POLQ: variants seen among roughly 807,000 people sequenced by gnomAD.
The protein encoded by POLQ is DNA polymerase theta, also known as epididymis secretory sperm binding protein.
In POLQ, 233 loss-of-function variants were observed where a neutral mutation model predicts 259.2. The ratio of observed to expected loss-of-function variants is 0.90; its 90% confidence interval spans 0.81 to 1.00. The LOEUF (loss-of-function observed/expected upper bound fraction) is 1.00, where lower values mean the gene tolerates loss of function less well. POLQ is among the 50% of genes least tolerant of loss of function. The pLI is 0.00. For synonymous variants in POLQ, 1,025 were observed against 1,048.8 expected, an observed-to-expected ratio of 0.98 and a Z score of 0.44; for missense variants, 2,871 against 3,051.6, an observed-to-expected ratio of 0.94 and a Z score of 1.39.
chr3:121,511,791 A>G (rs2048257296), intron 10 of POLQ, 96 bp downstream of exon 10: 1 of 1,031,034 alleles, frequency 9.7e-7, no homozygotes, highest in Non-Finnish European at 1.4e-6. Flanking sequence ...AATAAATTAA[A>G]AAAAATAAAT....
intron 6 of POLQ, among the ~76,000 whole-genome samples, chr3:121,531,732 G>A (rs2048412999): frequency 6.6e-6 from 1 of 152,130 alleles, no homozygotes; most frequent in Admixed American, 6.5e-5. Context: ...AAAGGGTGGA[G>A]GCACAGACAT....
Position 121,432,275 on chromosome 3 carries a change from T to TC in POLQ, c.*28dup. 1 of 1,578,106 alleles carries TC rather than the reference T, an allele frequency of 6.3e-7. No homozygotes were observed. The highest frequency in any genetic ancestry group is 8.6e-7 in the Non-Finnish European group (1 of 1,166,554). ...CCAGGTGACTGCATCTGCACAGGCTTCCCTGGGAGGACTTCATCAACAGCA... is the reference window on the plus strand; with the variant it reads ...CCAGGTGACTGCATCTGCACAGGCTTCCCCTGGGAGGACTTCATCAACAGCA... On this transcript the variant is annotated 3_prime_UTR_variant, in exon 30 of 30. Transcript: ENST00000264233.
At chr3:121,477,883 T>C (rs1306059696) in intron 19 of POLQ, among the ~76,000 whole-genome samples, 1 of 152,118 alleles carries the variant, frequency 6.6e-6, no homozygotes, top group Non-Finnish European at 1.5e-5. Flanking sequence ...AAATGAGAGT[T>C]ACTGGCCTCT....
rs1300006644 is a variant in POLQ at position 121,493,719 on chromosome 3, T to C, written c.2281A>G (p.Met761Val). The change falls in exon 15 of 30, where the codon ATG (methionine) becomes GTG (valine). Residue 761 changes from methionine (M) to valine (V), a missense_variant and splice_region_variant. By Grantham distance (21) the Met-to-Val change is conservative. Around this residue, in one of 3 missense-constraint regions of POLQ, gnomAD observed 8 missense variants for 19.3 expected, o/e 0.41. Coordinates refer to ENST00000264233, the MANE Select transcript of POLQ (RefSeq NM_199420.4). ...LQQSAAVYAGMITVFSNRLGW... is the reference protein window; with the variant it reads ...LQQSAAVYAGVITVFSNRLGW... ...AGACGGTTGGAAAATACTGTAATCA[T>C]CCCTAGAACATTCATAGAATATTTG... 1 of 1,608,234 alleles carries C rather than the reference T, an allele frequency of 6.2e-7. No homozygotes were observed. The highest frequency in any genetic ancestry group is 8.5e-7 in the Non-Finnish European group (1 of 1,176,056).
At chr3:121,433,407 G>C (rs544996068) in intron 28 of POLQ, among the ~76,000 whole-genome samples, 170 of 152,322 alleles carry the variant, frequency 1.1e-3, no homozygotes, top group Non-Finnish European at 1.2e-3. Flanking sequence ...CCCCAGGAAA[G>C]CAAACTAATA....
chr3:121,545,958 T>G lies in POLQ; in HGVS notation c.-81A>C, dbSNP rs749048338. 98 of 1,486,486 alleles carry G rather than the reference T, an allele frequency of 6.6e-5. No individual in the cohort carries two copies. The highest frequency in any genetic ancestry group is 8.7e-5 in the Non-Finnish European group (95 of 1,089,062). 92.1% of individuals were successfully genotyped at this position (1,486,486 alleles called of 1,614,324 possible). On this transcript the variant is annotated 5_prime_UTR_variant, in exon 1 of 30. Coordinates refer to ENST00000264233, the MANE Select transcript of POLQ (RefSeq NM_199420.4). ...GGGAGAACCCTGGCCTGGCAACAGC[T>G]GCGGACATCTTCCCGCCAGTCTTCA...
chr3:121,443,596 A>C (rs760585689), intron 26 of POLQ, among the ~76,000 whole-genome samples: 1 of 151,832 alleles, frequency 6.6e-6, no homozygotes, highest in African/African-American at 2.4e-5. Context: ...GTTTTTTTTA[A>C]ACCTGATGTG....
chr3:121,539,617 G>A (rs1285984100), intron 3 of POLQ, 28 bp from the exon 4 acceptor site: 1 of 1,589,128 alleles, frequency 6.3e-7, no homozygotes, highest in African/African-American at 1.4e-5. Context: ...GAACAATACA[G>A]GTGAAAAAAC....
intron 13 of POLQ, among the ~76,000 whole-genome samples, chr3:121,497,206 C>G (rs984046278): frequency 6.6e-6 from 1 of 152,142 alleles, no homozygotes; most frequent in African/African-American, 2.4e-5. Context: ...AGAAATGAGA[C>G]TTGGTTCAAG....
rs1365766780 is a variant in POLQ at position 121,544,809 on chromosome 3, A to T, written c.261T>A (p.Phe87Leu). 10 of 1,612,956 alleles carry T rather than the reference A, an allele frequency of 6.2e-6. No individual in the cohort carries two copies. The highest frequency in any genetic ancestry group is 8.5e-6 in the Non-Finnish European group (10 of 1,178,936). ...GCCATTCAAACATCTTTTTTACACC[A>T]AAACTGTGGTATTTTTCCAGAACTG... ...PKAVLEKYHSFGVKKMFEWQA... is the reference protein window; with the variant it reads ...PKAVLEKYHSLGVKKMFEWQA... Residue 87 changes from phenylalanine (F) to leucine (L), a missense_variant, in exon 2 of 30, where the codon TTT (phenylalanine) becomes TTA (leucine). Phe to Leu is a conservative substitution (Grantham distance 22). Transcript: ENST00000264233.
chr3:121,456,140 T>A (rs1453217613), intron 25 of POLQ, among the ~76,000 whole-genome samples: 1 of 152,344 alleles, frequency 6.6e-6, no homozygotes, highest in East Asian at 1.9e-4. Context: ...AACACATGAT[T>A]ATCTCAATAG....
At chr3:121,454,424 AGACACAGACT>A (rs1377471511) in intron 25 of POLQ, among the ~76,000 whole-genome samples, 1 of 152,256 alleles carries the variant, frequency 6.6e-6, no homozygotes, top group African/African-American at 2.4e-5. Context: ...TCCAATTAAA[AGACACAGACT>A]GGCAAATTGG....
At chr3:121,498,392 T>C (rs2048141038) in intron 13 of POLQ, 85 bp downstream of exon 13, 3 of 889,740 alleles carry the variant, frequency 3.4e-6, no homozygotes, top group African/African-American at 1.7e-5. Flanking sequence ...TTATTGACAA[T>C]GAAAGTGACT....
At position 121,493,680 on chromosome 3, in the gene POLQ, T is replaced by G. The variant is rs749874659; in HGVS notation, c.2320A>C (p.Met774Leu). ...VFSNRLGWHN[M>L]ELLLSQFQKR... The stretch of plus-strand genomic sequence containing the variant: ...TGAAATTGGGAAAGTAGTAGTTCCA[T>G]GTTGTGCCAGCCCAGACGGTTGGAA... The change falls in exon 15 of 30, where the codon ATG (methionine) becomes CTG (leucine). Residue 774 changes from methionine (M) to leucine (L), a missense_variant. Met to Leu is a conservative substitution (Grantham distance 15). This residue lies in a region of POLQ where 2,080 missense variants were observed against 2,126.0 expected (regional missense o/e 0.98). Coordinates refer to ENST00000264233, the MANE Select transcript of POLQ (RefSeq NM_199420.4). 2 of 1,613,748 alleles carry G rather than the reference T, an allele frequency of 1.2e-6. No homozygotes were observed. Among genetic ancestry groups the G allele is most frequent in the Non-Finnish European group, 1.7e-6 (2 of 1,179,718 alleles).
intron 15 of POLQ, among the ~76,000 whole-genome samples, chr3:121,491,547 C>T (rs1339017534): frequency 2.6e-5 from 4 of 151,968 alleles, no homozygotes; most frequent in African/African-American, 9.7e-5. Context: ...AAGGCAGGGC[C>T]CAGTCAGCAC....
At chr3:121,497,948 G>T (rs187941318) in intron 13 of POLQ, among the ~76,000 whole-genome samples, 1 of 152,254 alleles carries the variant, frequency 6.6e-6, no homozygotes, top group Admixed American at 6.5e-5. Context: ...AAAAGATAAG[G>T]TCTTTATATA....
At chr3:121,465,064 T>C (rs2047824096) in intron 24 of POLQ, among the ~76,000 whole-genome samples, 1 of 152,004 alleles carries the variant, frequency 6.6e-6, no homozygotes, top group Non-Finnish European at 1.5e-5. Context: ...TCAATTCAGT[T>C]ACTGGAAATG....
intron 14 of POLQ, 45 bp from the exon 15 acceptor site, chr3:121,493,766 G>T (rs375544396): frequency 2.2e-5 from 34 of 1,539,798 alleles, no homozygotes; most frequent in African/African-American, 9.6e-5. Context: ...TTTTTTTACA[G>T]ACGAATTCTC....
At chr3:121,536,774 A>T (rs2048454437) in intron 5 of POLQ, among the ~76,000 whole-genome samples, 3 of 152,104 alleles carry the variant, frequency 2.0e-5, no homozygotes, top group African/African-American at 4.8e-5. Context: ...CCTACTGAGA[A>T]GCTGGGACTA....
Sources: allele counts gnomAD v4.1 joint callset (sites outside exome capture counted in the v4.1 genomes callset), GRCh38; gene constraint gnomAD v4.1.1; regional missense constraint gnomAD v4.1.1; transcripts MANE v1.5; gene names NCBI Gene and HGNC (gene_info 2026-07-23, HGNC 2026-07-21).